UPF3B: variants seen among roughly 807,000 people sequenced by gnomAD.
The protein encoded by UPF3B is UPF3B regulator of nonsense mediated mRNA decay.
Under a neutral mutation model 40.3 loss-of-function variants are expected in UPF3B, and 7 were observed. That is an observed-to-expected ratio of 0.17 (90% CI 0.10 to 0.33). The LOEUF (loss-of-function observed/expected upper bound fraction) is 0.33, where lower values mean the gene tolerates loss of function less well. Ranked by LOEUF, UPF3B falls within the 10% of genes least tolerant of loss-of-function variation. UPF3B has a pLI of 1.00. For synonymous variants in UPF3B, 117 were observed against 117.3 expected, an observed-to-expected ratio of 1.00 and a Z score of 0.01; for missense variants, 229 against 358.9, an observed-to-expected ratio of 0.64 and a Z score of 2.93.
At chrX:119,843,684 G>A (rs1020804898) in intron 4 of UPF3B, among the ~76,000 whole-genome samples, 11 of 112,386 alleles carry the variant, frequency 9.8e-5, no homozygotes, top group African/African-American at 3.6e-4. Flanking sequence ...GGGAATTCCT[G>A]GAGTTCTCTC....
intron 10 of UPF3B, among the ~76,000 whole-genome samples, chrX:119,837,056 G>C (rs2056103796): frequency 9.3e-6 from 1 of 107,694 alleles, no homozygotes. Context: ...TGATTCTTCT[G>C]CCTCAGCCTC....
At chrX:119,820,678 A>G (rs1243420171) in intron 4 of UPF3B, among the ~76,000 whole-genome samples, 2 of 105,998 alleles carry the variant, frequency 1.9e-5, no homozygotes, top group Non-Finnish European at 3.8e-5. Flanking sequence ...CATGTTGGCC[A>G]GGCTGGTCTC....
intron 3 of UPF3B, among the ~76,000 whole-genome samples, chrX:119,824,073 G>A (rs2055954203): frequency 9.1e-6 from 1 of 109,466 alleles, no homozygotes; most frequent in Admixed American, 9.8e-5. Flanking sequence ...GATGGTATTG[G>A]GGGAAAGGAT....
intron 5 of UPF3B, among the ~76,000 whole-genome samples, chrX:119,842,661 AAAACAAAC>A (rs745581382): frequency 9.1e-6 from 1 of 109,678 alleles, no homozygotes; most frequent in Non-Finnish European, 1.9e-5. Context: ...GCAAGCAAAA[AAAACAAAC>A]AAACAAACAA....
intron 4 of UPF3B, among the ~76,000 whole-genome samples, chrX:119,818,479 G>T (rs746750552): frequency 1.8e-5 from 2 of 111,133 alleles, no homozygotes; most frequent in Admixed American, 9.7e-5. Context: ...TACTTGGGAG[G>T]CTGAGGCAGG....
chrX:119,819,729 G>A (rs1187398752), intron 4 of UPF3B, among the ~76,000 whole-genome samples: 1 of 111,727 alleles, frequency 9.0e-6, no homozygotes, highest in Non-Finnish European at 1.9e-5. Flanking sequence ...ATACATAAAT[G>A]GCTAGTTATC....
rs2056308797 is a variant in UPF3B, at chrX:119,851,872, A to G, written c.158T>C (p.Val53Ala). 8.7e-7 allele frequency: 1 copy of G among 1,152,833 alleles called. No individual in the cohort carries two copies. The highest frequency in any genetic ancestry group is 1.8e-5 in the African/African-American group (1 of 54,421). ...NKEKKEALSKVVIRRLPPTLT... is the reference protein window; with the variant it reads ...NKEKKEALSKAVIRRLPPTLT... ...AGTGGGAGGTAATCTTCGAATTACC[A>G]CCTTAAGAAATGCATAAGGAAAATA... is the stretch of plus-strand genomic sequence containing the variant. The change falls in exon 2 of 11, where the codon GTG becomes GCG. Residue 53 changes from valine (V) to alanine (A), a missense_variant and splice_region_variant. Physicochemically the swap from Val to Ala is moderately conservative, Grantham distance 64. This residue lies in a region of UPF3B where 87 missense variants were observed against 184.2 expected (regional missense o/e 0.47). Coordinates refer to ENST00000276201, the MANE Select transcript of UPF3B (RefSeq NM_080632.3).
At chrX:119,837,199 C>T in intron 10 of UPF3B, among the ~76,000 whole-genome samples, 1 of 109,230 alleles carries the variant, frequency 9.2e-6, no homozygotes, top group Non-Finnish European at 1.9e-5. Flanking sequence ...CCCACCTCAG[C>T]CTCCCAAAGT....
At position 119,841,216 on chromosome X, in the gene UPF3B, T is replaced by C. The variant is rs147945173; in HGVS notation, c.667A>G (p.Ile223Val). The C allele has an allele frequency of 1.1e-4, 129 of 1,185,505 alleles. No homozygotes were observed. The highest frequency in any genetic ancestry group is 1.4e-4 in the Non-Finnish European group (125 of 875,579). The change falls in exon 7 of 11, where the codon ATA becomes GTA. Residue 223 changes from isoleucine to valine, a missense_variant. By Grantham distance (29) the Ile-to-Val change is conservative. Coordinates refer to ENST00000276201, the MANE Select transcript of UPF3B (RefSeq NM_080632.3). ...EKREERRRRE[I>V]ERKRQREEER... ...TCTTCTCTTTGTCTTTTTCTTTCTATTTCTCTCCTCCTCCTTTCTTCTCTC... is the reference window on the plus strand; with the variant it reads ...TCTTCTCTTTGTCTTTTTCTTTCTACTTCTCTCCTCCTCCTTTCTTCTCTC...
chrX:119,845,068 T>C (rs1209470738), intron 4 of UPF3B, 130 bp downstream of exon 4: 1 of 531,882 alleles, frequency 1.9e-6, no homozygotes, highest in African/African-American at 2.4e-5. Context: ...CATCGGCAAA[T>C]AACATTTCTC....
At chrX:119,816,285 A>G (rs1352131538) in intron 4 of UPF3B, among the ~76,000 whole-genome samples, 1 of 110,891 alleles carries the variant, frequency 9.0e-6, no homozygotes, top group Non-Finnish European at 1.9e-5. Flanking sequence ...TGCTTGAGGG[A>G]TTTTCTCCAG....
In UPF3B at chrX:119,835,032, A is replaced by G. The variant is rs1276387358; in HGVS notation, c.1303-5T>C. ...AAGCTGCATCGCTGGACGATCCTGA[A>G]GTACAATAAAATATGTTACCATTAC... On this transcript the variant is annotated splice_region_variant and splice_polypyrimidine_tract_variant and intron_variant, in intron 10 of 10. Transcript: ENST00000276201. 1 of 1,211,494 alleles carries G rather than the reference A, an allele frequency of 8.3e-7. No individual in the cohort carries two copies. The highest frequency in any genetic ancestry group is 2.2e-5 in the Admixed American group (1 of 46,000).
intron 5 of UPF3B, among the ~76,000 whole-genome samples, chrX:119,842,605 T>TACACACACACATACACAC (rs2056179214): frequency 1.1e-5 from 1 of 91,392 alleles, no homozygotes; most frequent in Non-Finnish European, 2.2e-5. Flanking sequence ...CACACACACA[T>TACACACACACATACACAC]ACACACACAC....
At chrX:119,827,283 G>C (rs2055988263) in intron 3 of UPF3B, among the ~76,000 whole-genome samples, 1 of 111,081 alleles carries the variant, frequency 9.0e-6, no homozygotes, top group Non-Finnish European at 1.9e-5. Flanking sequence ...CAATTCCTTG[G>C]GGATGGATGA....
chrX:119,827,040 C>T (rs938276730), intron 3 of UPF3B, among the ~76,000 whole-genome samples: 1 of 111,851 alleles, frequency 8.9e-6, no homozygotes, highest in African/African-American at 3.3e-5. Flanking sequence ...GAAAGTTTCA[C>T]CAGAGAGTCC....
Position 119,845,371 on chromosome X carries a change from T to G in UPF3B, c.371-75A>C, listed in dbSNP as rs192579605. ...AGTGGATATAAGGGAATCAACCCATTGCTTTCTATGACTCTTTTGATGGCA... is the reference window on the plus strand; with the variant it reads ...AGTGGATATAAGGGAATCAACCCATGGCTTTCTATGACTCTTTTGATGGCA... On this transcript the variant is annotated intron_variant, in intron 3 of 10. Coordinates refer to ENST00000276201, the MANE Select transcript of UPF3B (RefSeq NM_080632.3). 2.9e-4 allele frequency: 252 copies of G among 854,360 alleles called. No individual in the cohort carries two copies. In the African/African-American group the frequency reaches 4.6e-3, roughly 16 times the overall value. 70.4% of individuals were successfully genotyped at this position (854,360 alleles called of 1,213,427 possible).
Position 119,841,032 on chromosome X carries a change from G to C in UPF3B, c.807+44C>G, listed in dbSNP as rs751116828. 5 of 1,187,279 alleles carry C rather than the reference G, an allele frequency of 4.2e-6. No individual in the cohort carries two copies. In the South Asian group the frequency reaches 9.0e-5, roughly 21 times the overall value. ...CATGCATATTTAAAGAAGTAGATAC[G>C]TGCAATTTTTAGCAACATGCAGTCA... On this transcript the variant is annotated intron_variant, in intron 7 of 10. Coordinates refer to ENST00000276201, the MANE Select transcript of UPF3B (RefSeq NM_080632.3).
intron 6 of UPF3B, 100 bp downstream of exon 6, chrX:119,841,635 A>G: frequency 1.2e-6 from 1 of 820,858 alleles, no homozygotes; most frequent in Non-Finnish European, 1.8e-6. Flanking sequence ...TGGAAAAAGC[A>G]GCTATTTCTC....
intron 5 of UPF3B, among the ~76,000 whole-genome samples, chrX:119,842,238 T>C (rs1390134361): frequency 4.5e-5 from 5 of 111,722 alleles, no homozygotes; most frequent in African/African-American, 1.6e-4. Context: ...TGGAAGAATA[T>C]TTTTCATTTT....
Sources: gnomAD v4.1 joint callset for allele counts (sites outside exome capture counted in the v4.1 genomes callset) on GRCh38, gnomAD v4.1.1 for gene constraint, gnomAD v4.1.1 regional missense constraint, MANE v1.5 for transcripts, NCBI Gene and HGNC (gene_info 2026-07-23, HGNC 2026-07-21) for gene names.